Variants in OR51D1 observed in about 807,000 individuals in gnomAD.
The protein encoded by OR51D1 is olfactory receptor family 51 subfamily D member 1, also known as olfactory receptor 51D1.
For synonymous variants in OR51D1, 187 were observed against 161.1 expected (o/e 1.16, Z -1.22); for missense variants, 452 against 396.2 (o/e 1.14, Z -1.20).
chr11:4,638,245 T>G (rs1846921308), intron 1 of OR51D1, among the ~76,000 whole-genome samples: 1 of 152,088 alleles, frequency 6.6e-6, no homozygotes. Flanking sequence ...TTGGGTGATG[T>G]GGGTTCTGAG....
At chr11:4,638,360 G>A (rs572103958) in intron 1 of OR51D1, among the ~76,000 whole-genome samples, 8 of 152,222 alleles carry the variant, frequency 5.3e-5, no homozygotes, top group South Asian at 2.1e-4. Flanking sequence ...TCAAGGAGGC[G>A]GTAGGTTATA....
rs867642351 is a variant in OR51D1, at chr11:4,639,945, C to T, written c.155C>T (p.Thr52Ile). 9.3e-6 allele frequency: 15 copies of T among 1,614,058 alleles called. No individual in the cohort carries two copies. The African/African-American group carries it at 1.6e-4, about 17-fold the overall frequency. Residue 52 changes from threonine to isoleucine, a missense_variant, in exon 2 of 2, where the codon ACC becomes ATC. Thr to Ile is a moderately conservative substitution (Grantham distance 89). Transcript: ENST00000641817. ...FPLCFMYALATLGNLTIVLII... is the reference protein window; with the variant it reads ...FPLCFMYALAILGNLTIVLII... ...CTGTGTTTTATGTATGCCTTGGCCA[C>T]CCTGGGTAACCTGACCATTGTCCTC... is the stretch of plus-strand genomic sequence containing the variant.
rs1455670662 is a variant in OR51D1 at position 4,640,902 on chromosome 11, C to G, written c.*137C>G. On this transcript the variant is annotated 3_prime_UTR_variant, in exon 2 of 2. Coordinates refer to ENST00000641817, the MANE Select transcript of OR51D1 (RefSeq NM_001004751.3). ...AATTTAAGTAGATCATGTATTCTGT[C>G]TCCAGGAATGTGTCAGTACTGAACT... 5.1e-6 allele frequency: 4 copies of G among 780,882 alleles called. No homozygotes were observed. Among genetic ancestry groups the G allele is most frequent in the Non-Finnish European group, 6.0e-6 (3 of 497,014 alleles). The allele number at this position is 780,882 out of a possible 1,614,324, so 48.4% of individuals were successfully genotyped here.
chr11:4,640,902 C>T lies in OR51D1; in HGVS notation c.*137C>T, dbSNP rs1455670662. On this transcript the variant is annotated 3_prime_UTR_variant, in exon 2 of 2. Coordinates refer to ENST00000641817, the MANE Select transcript of OR51D1 (RefSeq NM_001004751.3). ...AATTTAAGTAGATCATGTATTCTGTCTCCAGGAATGTGTCAGTACTGAACT... is the reference window on the plus strand; with the variant it reads ...AATTTAAGTAGATCATGTATTCTGTTTCCAGGAATGTGTCAGTACTGAACT... 1.3e-6 allele frequency: 1 copy of T among 781,000 alleles called. No homozygotes were observed. The highest frequency in any genetic ancestry group is 2.0e-6 in the Non-Finnish European group (1 of 497,006). 48.4% of individuals were successfully genotyped at this position (781,000 alleles called of 1,614,324 possible).
In OR51D1 at chr11:4,642,606, C is replaced by T. The variant is rs1343720453; in HGVS notation, c.*1841C>T. On this transcript the variant is annotated 3_prime_UTR_variant, in exon 2 of 2. Transcript: ENST00000641817. ...TTGGTTGTAGGGAGTTTCTCCTAAT[C>T]CCTCTGGGAAAGCAAGGGTGGAGGG... 3 of 144,804 alleles carry T rather than the reference C, an allele frequency of 2.1e-5. No homozygotes were observed. Among genetic ancestry groups the T allele is most frequent in the African/African-American group, 7.6e-5 (3 of 39,606 alleles). The allele number at this position is 144,804 out of a possible 1,614,324, so 9.0% of individuals were successfully genotyped here.
At position 4,639,858 on chromosome 11, in the gene OR51D1, A is replaced by G. The variant is rs1463642327; in HGVS notation, c.68A>G (p.Tyr23Cys). ...AATGGAAATCTGGTCCACGCAGCAT[A>G]CTTCCTTTTGGTGGGTATCCCTGGC... ...TSNGNLVHAA[Y>C]FLLVGIPGLG... The change falls in exon 2 of 2, where the codon TAC (tyrosine) becomes TGC (cysteine). Residue 23 changes from tyrosine (Y) to cysteine (C), a missense_variant. By Grantham distance (194) the Tyr-to-Cys change is radical. Transcript: ENST00000641817. 1 of 1,614,150 alleles carries G rather than the reference A, an allele frequency of 6.2e-7. No individual in the cohort carries two copies. Among genetic ancestry groups the G allele is most frequent in the South Asian group, 1.1e-5 (1 of 91,088 alleles).
At position 4,637,709 on chromosome 11, in the gene OR51D1, G is replaced by C. The variant is rs1210310687; in HGVS notation, c.-59G>C. ...AAGCTTTGCCTATCCTTTGTCCCAG[G>C]ACAGGACTCCTCAGTTCCTGCCTCC... On this transcript the variant is annotated 5_prime_UTR_variant, in exon 1 of 2. Transcript: ENST00000641817. The C allele has an allele frequency of 1.3e-5, 2 of 152,322 alleles. No homozygotes were observed. The highest frequency in any genetic ancestry group is 4.8e-5 in the African/African-American group (2 of 41,430). The allele number at this position is 152,322 out of a possible 1,614,324, so 9.4% of individuals were successfully genotyped here. A position where few individuals can be genotyped will look rare whatever the true frequency, so the allele number is the denominator to read the frequency against.
In OR51D1 at chr11:4,639,946, C is replaced by A. The variant is rs751049837; in HGVS notation, c.156C>A (p.Thr52=). The A allele has an allele frequency of 1.2e-6, 2 of 1,614,156 alleles. No individual in the cohort carries two copies. Among genetic ancestry groups the A allele is most frequent in the Admixed American group, 3.3e-5 (2 of 60,026 alleles). Residue 52 remains threonine (T), a synonymous_variant, in exon 2 of 2, where the codon ACC becomes ACA. Coordinates refer to ENST00000641817, the MANE Select transcript of OR51D1 (RefSeq NM_001004751.3). ...TGTGTTTTATGTATGCCTTGGCCAC[C>A]CTGGGTAACCTGACCATTGTCCTCA... ...FPLCFMYALA[T]LGNLTIVLII...
chr11:4,639,951 G>T lies in OR51D1; in HGVS notation c.161G>T (p.Gly54Val), dbSNP rs754291606. ...LCFMYALATL[G>V]NLTIVLIIRV... ...TTTATGTATGCCTTGGCCACCCTGGGTAACCTGACCATTGTCCTCATCATT... is the reference window on the plus strand; with the variant it reads ...TTTATGTATGCCTTGGCCACCCTGGTTAACCTGACCATTGTCCTCATCATT... Residue 54 changes from glycine (G) to valine (V), a missense_variant, in exon 2 of 2, where the codon GGT becomes GTT. Gly to Val is a moderately radical substitution (Grantham distance 109). Transcript: ENST00000641817. 6.2e-7 allele frequency: 1 copy of T among 1,614,168 alleles called. No homozygotes were observed. Among genetic ancestry groups the T allele is most frequent in the Admixed American group, 1.7e-5 (1 of 60,022 alleles).
In OR51D1 at chr11:4,642,689, G is replaced by GA. The variant is rs1389555037; in HGVS notation, c.*1930dup. The GA allele has an allele frequency of 6.6e-6, 1 of 152,082 alleles. No homozygotes were observed. Among genetic ancestry groups the GA allele is most frequent in the Non-Finnish European group, 1.5e-5 (1 of 68,022 alleles). 9.4% of individuals were successfully genotyped at this position (152,082 alleles called of 1,614,324 possible). On this transcript the variant is annotated 3_prime_UTR_variant, in exon 2 of 2. Transcript: ENST00000641817. ...GGAAACTCCCTTAAGGCAGGAAGCT[G>GA]AAAAAACTGTAGCATTCACCTCATT...
At chr11:4,639,073 G>A (rs552253607) in intron 1 of OR51D1, among the ~76,000 whole-genome samples, 1 of 152,298 alleles carries the variant, frequency 6.6e-6, no homozygotes, top group Non-Finnish European at 1.5e-5. Flanking sequence ...TTACAGGCGT[G>A]AGCCACTGTA....
Position 4,639,930 on chromosome 11 carries a change from T to C in OR51D1, c.140T>C (p.Met47Thr). 6.2e-7 allele frequency: 1 copy of C among 1,614,194 alleles called. No individual in the cohort carries two copies. Among genetic ancestry groups the C allele is most frequent in the Non-Finnish European group, 8.5e-7 (1 of 1,180,024 alleles). The change falls in exon 2 of 2, where the codon ATG becomes ACG. Residue 47 changes from methionine to threonine, a missense_variant. Met to Thr is a moderately conservative substitution (Grantham distance 81). Coordinates refer to ENST00000641817, the MANE Select transcript of OR51D1 (RefSeq NM_001004751.3). ...HFWLAFPLCF[M>T]YALATLGNLT... is the part of the protein sequence containing the mutation. ...TGGCTGGCTTTCCCACTGTGTTTTA[T>C]GTATGCCTTGGCCACCCTGGGTAAC...
Position 4,640,981 on chromosome 11 carries a change from G to A in OR51D1, c.*216G>A, listed in dbSNP as rs1846961813. ...TGACTGCACTAGTCCCTCTGCTATGGTGGTCTTGCCTTCTCCTTCTCTCTC... is the reference window on the plus strand; with the variant it reads ...TGACTGCACTAGTCCCTCTGCTATGATGGTCTTGCCTTCTCCTTCTCTCTC... On this transcript the variant is annotated 3_prime_UTR_variant, in exon 2 of 2. Transcript: ENST00000641817. 2 of 497,108 alleles carry A rather than the reference G, an allele frequency of 4.0e-6. No homozygotes were observed. The highest frequency in any genetic ancestry group is 3.8e-5 in the African/African-American group (2 of 52,226). 30.8% of individuals were successfully genotyped at this position (497,108 alleles called of 1,614,324 possible). A position where few individuals can be genotyped will look rare whatever the true frequency, so the allele number is the denominator to read the frequency against.
rs1846941950 is a variant in OR51D1 at position 4,639,955 on chromosome 11, C to G, written c.165C>G (p.Asn55Lys). 1 of 1,614,188 alleles carries G rather than the reference C, an allele frequency of 6.2e-7. No homozygotes were observed. The highest frequency in any genetic ancestry group is 8.5e-7 in the Non-Finnish European group (1 of 1,180,040). The change falls in exon 2 of 2, where the codon AAC (asparagine) becomes AAG (lysine). Residue 55 changes from asparagine (N) to lysine (K), a missense_variant. Coordinates refer to ENST00000641817, the MANE Select transcript of OR51D1 (RefSeq NM_001004751.3). ...TGTATGCCTTGGCCACCCTGGGTAA[C>G]CTGACCATTGTCCTCATCATTCGTG... The part of the protein sequence containing the change: ...CFMYALATLG[N>K]LTIVLIIRVE...
chr11:4,640,854 C>T lies in OR51D1; in HGVS notation c.*89C>T. 7.9e-7 allele frequency: 1 copy of T among 1,264,046 alleles called. No individual in the cohort carries two copies. 78.3% of individuals were successfully genotyped at this position (1,264,046 alleles called of 1,614,324 possible). Reference sequence around the variant, plus strand: ...TGCCTTGGTGATTAAAGTATCAAACCTATTGTGCTGTCTTCTTCCAGCAAT... The same window carrying T: ...TGCCTTGGTGATTAAAGTATCAAACTTATTGTGCTGTCTTCTTCCAGCAAT... On this transcript the variant is annotated 3_prime_UTR_variant, in exon 2 of 2. Coordinates refer to ENST00000641817, the MANE Select transcript of OR51D1 (RefSeq NM_001004751.3).
In OR51D1 at chr11:4,640,679, C is replaced by T; in HGVS notation, c.889C>T (p.Pro297Ser). Reference protein sequence around the residue: ...VMANTYLLLPPVVNPLVYGAK... With the variant: ...VMANTYLLLPSVVNPLVYGAK... ...GGCTAATACCTACTTGCTGCTACCA[C>T]CTGTAGTCAACCCCCTTGTCTATGG... Residue 297 changes from proline (P) to serine (S), a missense_variant, in exon 2 of 2, where the codon CCT becomes TCT. Physicochemically the swap from Pro to Ser is moderately conservative, Grantham distance 74. Coordinates refer to ENST00000641817, the MANE Select transcript of OR51D1 (RefSeq NM_001004751.3). 6.2e-7 allele frequency: 1 copy of T among 1,614,014 alleles called. No individual in the cohort carries two copies. Among genetic ancestry groups the T allele is most frequent in the Non-Finnish European group, 8.5e-7 (1 of 1,180,002 alleles).
Position 4,640,659 on chromosome 11 carries a change from A to G in OR51D1, c.869A>G (p.Asn290Ser). The change falls in exon 2 of 2, where the codon AAT becomes AGT. Residue 290 changes from asparagine (N) to serine (S), a missense_variant. Coordinates refer to ENST00000641817, the MANE Select transcript of OR51D1 (RefSeq NM_001004751.3). ...TCCCTCCTCCATGTGGTTATGGCTA[A>G]TACCTACTTGCTGCTACCACCTGTA... ...PTSLLHVVMA[N>S]TYLLLPPVVN... The G allele has an allele frequency of 6.2e-7, 1 of 1,613,456 alleles. No homozygotes were observed. The highest frequency in any genetic ancestry group is 1.1e-5 in the South Asian group (1 of 91,014).
Position 4,640,345 on chromosome 11 carries a change from T to C in OR51D1, c.555T>C (p.His185=). The change falls in exon 2 of 2, where the codon CAT becomes CAC. Residue 185 remains histidine (H), a synonymous_variant. Coordinates refer to ENST00000641817, the MANE Select transcript of OR51D1 (RefSeq NM_001004751.3). ...AGTGGTTGTCCTACTGCCAAACACA[T>C]ACTGTCACACACTCCTTCTGTCTGC... ...ILKWLSYCQT[H]TVTHSFCLHQ... 6.2e-7 allele frequency: 1 copy of C among 1,614,212 alleles called. No individual in the cohort carries two copies. The highest frequency in any genetic ancestry group is 8.5e-7 in the Non-Finnish European group (1 of 1,180,030).
Position 4,640,693 on chromosome 11 carries a change from C to T in OR51D1, c.903C>T (p.Pro301=). Residue 301 remains proline (P), a synonymous_variant, in exon 2 of 2, where the codon CCC becomes CCT. Coordinates refer to ENST00000641817, the MANE Select transcript of OR51D1 (RefSeq NM_001004751.3). The part of the protein sequence containing the change: ...TYLLLPPVVN[P]LVYGAKTKEI... ...TGCTGCTACCACCTGTAGTCAACCC[C>T]CTTGTCTATGGAGCCAAGACCAAAG... The T allele has an allele frequency of 6.2e-7, 1 of 1,613,958 alleles. No homozygotes were observed. Among genetic ancestry groups the T allele is most frequent in the Non-Finnish European group, 8.5e-7 (1 of 1,179,984 alleles).
Sources: gnomAD v4.1 joint callset for allele counts (sites outside exome capture counted in the v4.1 genomes callset) on GRCh38, gnomAD v4.1.1 for gene constraint, MANE v1.5 for transcripts, NCBI Gene and HGNC (gene_info 2026-07-23, HGNC 2026-07-21) for gene names.